CUBN: variants seen among roughly 807,000 people sequenced by gnomAD.
CUBN encodes cubilin, also known as 460 kDa receptor.
In CUBN, 282 loss-of-function variants were observed where a neutral mutation model predicts 405.3. That is an observed-to-expected ratio of 0.70 (90% CI 0.63 to 0.77). The LOEUF (loss-of-function observed/expected upper bound fraction) is 0.77, where lower values mean the gene tolerates loss of function less well. Ranked by LOEUF, CUBN falls within the 30% of genes least tolerant of loss-of-function variation. The pLI, the probability that CUBN is intolerant of heterozygous loss-of-function variation, is 0.00. For synonymous variants in CUBN, 1,684 were observed against 1,617.0 expected (o/e 1.04, Z -0.99); for missense variants, 4,514 against 4,475.2 (o/e 1.01, Z -0.25).
At chr10:17,031,419 T>G (rs1368542778) in intron 27 of CUBN, among the ~76,000 whole-genome samples, 1 of 152,176 alleles carries the variant, frequency 6.6e-6, no homozygotes, top group Non-Finnish European at 1.5e-5. Flanking sequence ...ATTACTCCGT[T>G]TTACAGAAAG....
intron 48 of CUBN, among the ~76,000 whole-genome samples, chr10:16,912,023 A>G (rs1286485894): frequency 6.6e-6 from 1 of 152,182 alleles, no homozygotes; most frequent in Non-Finnish European, 1.5e-5. Context: ...TATATAATTC[A>G]ATCAATAATA....
Position 16,831,379 on chromosome 10 carries a change from G to A in CUBN, c.10401C>T (p.Gly3467=), listed in dbSNP as rs749282166. ...NGSNSNSPLL[G]KYCGTLLPNP... ...TTGGCAGCAGAGTTCCACAGTACTT[G>A]CCCAGTAATGGTGAATTGCTGTTAC... The change falls in exon 65 of 67, where the codon GGC becomes GGT. Residue 3467 remains glycine (G), a synonymous_variant. Transcript: ENST00000377833. 1.9e-6 allele frequency: 3 copies of A among 1,613,970 alleles called. No individual in the cohort carries two copies. Among genetic ancestry groups the A allele is most frequent in the Non-Finnish European group, 2.5e-6 (3 of 1,179,852 alleles).
chr10:17,019,711 G>C (rs2131782191), intron 28 of CUBN, 122 bp downstream of exon 28: 1 of 1,162,374 alleles, frequency 8.6e-7, no homozygotes, highest in Non-Finnish European at 1.3e-6. Flanking sequence ...ACCCTTGCAT[G>C]AGATTACTAC....
chr10:16,835,097 CT>C lies in CUBN; in HGVS notation c.10278del (p.Ala3427ProfsTer29). The C allele has an allele frequency of 6.2e-7, 1 of 1,614,092 alleles. No homozygotes were observed. On this transcript the variant is annotated frameshift_variant, in exon 64 of 67. Transcript: ENST00000377833. LOFTEE classifies it high-confidence loss of function. Reference protein sequence around the residue: ...DNDKDCTVTLTAPQNHTISLF... With the variant: ...DNDKDCTVTLXAPQNHTISLF... The stretch of plus-strand genomic sequence containing the variant: ...AGGGAAATGGTGTGGTTCTGGGGGG[CT>C]GTGAGAGTAACGGTGCAATCCTTGT...
At chr10:16,837,799 C>T (rs1206890273) in intron 62 of CUBN, among the ~76,000 whole-genome samples, 2 of 152,164 alleles carry the variant, frequency 1.3e-5, no homozygotes, top group Admixed American at 1.3e-4. Flanking sequence ...GTCCGAAACC[C>T]TTGATTGTTT....
intron 31 of CUBN, among the ~76,000 whole-genome samples, chr10:16,982,217 C>T (rs926186882): frequency 1.3e-5 from 2 of 152,060 alleles, no homozygotes; most frequent in African/African-American, 4.8e-5. Flanking sequence ...CATTTTTTGA[C>T]AATGAAGTAA....
At chr10:16,889,578 CT>C (rs1840930254) in intron 55 of CUBN, among the ~76,000 whole-genome samples, 1 of 152,142 alleles carries the variant, frequency 6.6e-6, no homozygotes, top group African/African-American at 2.4e-5. Flanking sequence ...CCAAAGTTGA[CT>C]TAGCATGAGA....
At chr10:17,026,647 T>TA (rs1834674279) in intron 27 of CUBN, among the ~76,000 whole-genome samples, 1 of 147,770 alleles carries the variant, frequency 6.8e-6, no homozygotes, top group South Asian at 2.2e-4. Flanking sequence ...AAAAAATAAA[T>TA]AAATAAATAA....
chr10:17,001,840 C>T (rs1323498044), intron 28 of CUBN, among the ~76,000 whole-genome samples: 1 of 152,050 alleles, frequency 6.6e-6, no homozygotes, highest in Non-Finnish European at 1.5e-5. Context: ...TACACAGGGT[C>T]AAAATAGTCT....
At chr10:16,890,265 G>C in intron 55 of CUBN, 106 bp downstream of exon 55, 1 of 1,024,688 alleles carries the variant, frequency 9.8e-7, no homozygotes, top group Non-Finnish European at 1.5e-6. Flanking sequence ...CCTCCCCGTA[G>C]ACCCCCATAC....
chr10:16,868,561 G>T (rs1032956696), intron 59 of CUBN, among the ~76,000 whole-genome samples: 5 of 152,172 alleles, frequency 3.3e-5, no homozygotes, highest in Non-Finnish European at 7.3e-5. Context: ...GAATATTAAT[G>T]ATCTTAGACT....
At position 17,127,843 on chromosome 10, in the gene CUBN, G is replaced by T; in HGVS notation, c.334C>A (p.Gln112Lys). Residue 112 changes from glutamine (Q) to lysine (K), a missense_variant, in exon 3 of 67, where the codon CAG becomes AAG. Around this residue, in one of 5 missense-constraint regions of CUBN, gnomAD observed 1,448 missense variants for 1,388.0 expected, o/e 1.04. Transcript: ENST00000377833. ...GTCAGACTTACCTTGGAATTAAGCT[G>T]ATAGATTTGACTAGATATATTTTGA... ...LPQNISSQIY[Q>K]LNSKLVDLER... 1 of 1,611,252 alleles carries T rather than the reference G, an allele frequency of 6.2e-7. No homozygotes were observed. Among genetic ancestry groups the T allele is most frequent in the African/African-American group, 1.3e-5 (1 of 74,986 alleles).
intron 28 of CUBN, among the ~76,000 whole-genome samples, chr10:17,000,257 C>T (rs1482671564): frequency 6.6e-6 from 1 of 152,212 alleles, no homozygotes; most frequent in African/African-American, 2.4e-5. Flanking sequence ...TAAACCTTGG[C>T]AACTGACCAG....
chr10:17,038,052 C>T (rs1396290359), intron 27 of CUBN, among the ~76,000 whole-genome samples: 1 of 152,002 alleles, frequency 6.6e-6, no homozygotes, highest in Non-Finnish European at 1.5e-5. Context: ...GATTCTCCTG[C>T]CTCAGCCTCC....
rs769770698 is a variant in CUBN, at chr10:17,071,587, T to C, written c.2464A>G (p.Thr822Ala). 1 of 1,613,734 alleles carries C rather than the reference T, an allele frequency of 6.2e-7. No individual in the cohort carries two copies. The highest frequency in any genetic ancestry group is 1.1e-5 in the South Asian group (1 of 91,072). ...GGCGAGCGAATGACCCCTTCTCCAG[T>C]TAATTCATCCCCGCAAGCTGTAAGC... ...VYQVACGDELTGEGVIRSPFF... is the reference protein window; with the variant it reads ...VYQVACGDELAGEGVIRSPFF... The change falls in exon 19 of 67, where the codon ACT becomes GCT. Residue 822 changes from threonine to alanine, a missense_variant. Thr to Ala is a moderately conservative substitution (Grantham distance 58, BLOSUM62 0). Coordinates refer to ENST00000377833, the MANE Select transcript of CUBN (RefSeq NM_001081.4).
intron 36 of CUBN, among the ~76,000 whole-genome samples, chr10:16,943,150 G>A (rs1003319958): frequency 5.3e-5 from 8 of 152,122 alleles, no homozygotes; most frequent in African/African-American, 1.9e-4. Context: ...GACCACAGGG[G>A]TGAAGTAACT....
chr10:17,074,851 T>C (rs1437927372), intron 17 of CUBN, among the ~76,000 whole-genome samples: 2 of 152,132 alleles, frequency 1.3e-5, no homozygotes, highest in Non-Finnish European at 2.9e-5. Flanking sequence ...ATAATGTGTC[T>C]AGTGGGGTTA....
intron 28 of CUBN, among the ~76,000 whole-genome samples, chr10:17,006,737 G>C (rs933691194): frequency 6.6e-6 from 1 of 152,074 alleles, no homozygotes; most frequent in Admixed American, 6.5e-5. Flanking sequence ...CATCCAAACC[G>C]AGCCAGTCAT....
intron 28 of CUBN, among the ~76,000 whole-genome samples, chr10:17,017,816 T>A (rs1004799358): frequency 6.6e-6 from 1 of 151,982 alleles, no homozygotes; most frequent in African/African-American, 2.4e-5. Flanking sequence ...CAGGGAGTGG[T>A]TTTTAGAAGC....
Sources: allele counts gnomAD v4.1 joint callset (sites outside exome capture counted in the v4.1 genomes callset), GRCh38; gene constraint gnomAD v4.1.1; regional missense constraint gnomAD v4.1.1; transcripts MANE v1.5; gene names NCBI Gene and HGNC (gene_info 2026-07-23, HGNC 2026-07-21).